The following NFKBID variants were observed in gnomAD, a reference collection of about 807,000 sequenced individuals.
The protein encoded by NFKBID is NF-kappa-B inhibitor delta.
A neutral mutation model predicts 53.4 loss-of-function variants in NFKBID; 26 were observed. That is an observed-to-expected ratio of 0.49 (90% CI 0.36 to 0.68). The LOEUF (loss-of-function observed/expected upper bound fraction) is 0.68. Ranked by LOEUF, NFKBID falls within the 30% of genes least tolerant of loss-of-function variation. NFKBID has a pLI of 0.00. For missense variants in NFKBID, 493 were observed against 614.1 expected (o/e 0.80, Z 2.08); for synonymous variants, 262 against 259.8 (o/e 1.01, Z -0.08).
At chr19:35,898,393 G>T in intron 3 of NFKBID, 79 bp downstream of exon 3, 1 of 862,510 alleles carries the variant, frequency 1.2e-6, no homozygotes, top group Non-Finnish European at 1.8e-6. Flanking sequence ...ACTCCCAGGT[G>T]TCCCAAAGTT....
intron 9 of NFKBID, 67 bp downstream of exon 9, chr19:35,895,913 C>G (rs572469100): frequency 6.7e-7 from 1 of 1,495,736 alleles, no homozygotes; most frequent in East Asian, 2.3e-5. Flanking sequence ...GCCTGGAGCT[C>G]CCGGACATCC....
At chr19:35,892,904 G>A (rs879331792) in intron 9 of NFKBID, among the ~76,000 whole-genome samples, 2 of 152,282 alleles carry the variant, frequency 1.3e-5, no homozygotes, top group Admixed American at 6.5e-5. Context: ...AGCAGCTCAC[G>A]CCTGTAATCC....
intron 1 of NFKBID, among the ~76,000 whole-genome samples, chr19:35,900,043 A>C (rs1599630419): frequency 5.2e-5 from 4 of 76,330 alleles, no homozygotes; most frequent in Admixed American, 2.1e-4. Flanking sequence ...ACCCTTCCCC[A>C]CCGAGACCCA....
chr19:35,892,286 G>A (rs933607726), intron 9 of NFKBID, among the ~76,000 whole-genome samples: 7 of 151,934 alleles, frequency 4.6e-5, no homozygotes, highest in African/African-American at 1.7e-4. Flanking sequence ...TCCTGAGCTC[G>A]AGCAGTCCGC....
At chr19:35,893,717 G>A (rs1974939098) in intron 9 of NFKBID, among the ~76,000 whole-genome samples, 2 of 152,096 alleles carry the variant, frequency 1.3e-5, no homozygotes, top group South Asian at 2.1e-4. Flanking sequence ...CTACTCAGGA[G>A]GCTGAGGCAG....
chr19:35,888,467 T>C (rs1016279909), exon 12 of NFKBID: 3 of 913,990 alleles, frequency 3.3e-6, no homozygotes, highest in Non-Finnish European at 5.3e-6. Context: ...ATATTCCACA[T>C]ACATTATCAT....
At chr19:35,888,375 G>C (rs1974529136) in exon 12 of NFKBID, 5 of 583,280 alleles carry the variant, frequency 8.6e-6, no homozygotes, top group Non-Finnish European at 1.2e-5. Flanking sequence ...TAGAAGAGGG[G>C]TATCACAGCA....
chr19:35,897,499 C>T (rs1599622218), intron 4 of NFKBID, 152 bp downstream of exon 4: 1 of 672,386 alleles, frequency 1.5e-6, no homozygotes, highest in East Asian at 2.5e-5. Flanking sequence ...CTGCCTCAGC[C>T]TCCCAAAGTG....
chr19:35,889,638 T>G (rs1775873346), intron 11 of NFKBID, among the ~76,000 whole-genome samples: 1 of 151,910 alleles, frequency 6.6e-6, no homozygotes, highest in African/African-American at 2.4e-5. Flanking sequence ...CAAGCAAGAT[T>G]CAGGGTTGGA....
chr19:35,890,106 C>T, intron 10 of NFKBID, 52 bp from the exon 11 acceptor site: 1 of 1,517,656 alleles, frequency 6.6e-7, no homozygotes, highest in Non-Finnish European at 8.9e-7. Flanking sequence ...CTGGCCCAGG[C>T]CTCTAAACTG....
chr19:35,893,249 G>A (rs1259881981), intron 9 of NFKBID, among the ~76,000 whole-genome samples: 1 of 152,146 alleles, frequency 6.6e-6, no homozygotes, highest in Non-Finnish European at 1.5e-5. Flanking sequence ...CCAAAATTCT[G>A]AGTGAAGAAA....
At chr19:35,890,298 C>G (rs897493567) in intron 10 of NFKBID, 76 bp downstream of exon 10, 17 of 1,068,670 alleles carry the variant, frequency 1.6e-5, no homozygotes, top group African/African-American at 1.6e-4. Flanking sequence ...CGTCCACAGC[C>G]CCCAGGACCC....
intron 9 of NFKBID, among the ~76,000 whole-genome samples, chr19:35,892,601 G>A (rs1974853746): frequency 6.6e-6 from 1 of 151,378 alleles, no homozygotes; most frequent in Admixed American, 6.6e-5. Context: ...TGATTTCTGA[G>A]TTCTCCCAGA....
chr19:35,891,697 T>C (rs952807277), intron 9 of NFKBID, among the ~76,000 whole-genome samples: 5 of 151,964 alleles, frequency 3.3e-5, no homozygotes, highest in African/African-American at 1.2e-4. Flanking sequence ...GGTGAAACCG[T>C]CTCTACTAAA....
intron 9 of NFKBID, among the ~76,000 whole-genome samples, chr19:35,892,214 G>T (rs1396323919): frequency 6.6e-6 from 1 of 151,160 alleles, no homozygotes; most frequent in Non-Finnish European, 1.5e-5. Flanking sequence ...ATCAAGCCCA[G>T]CTAATTTTTG....
At chr19:35,895,655 T>A (rs1750925974) in intron 9 of NFKBID, among the ~76,000 whole-genome samples, 1 of 144,460 alleles carries the variant, frequency 6.9e-6, no homozygotes, top group South Asian at 2.2e-4. Context: ...TACAAAAAAA[T>A]TAGCCAGGCG....
At chr19:35,900,595 G>C (rs1243531204) in exon 1 of NFKBID, 7 of 1,230,686 alleles carry the variant, frequency 5.7e-6, no homozygotes, top group Non-Finnish European at 7.1e-6. Flanking sequence ...GCACCGCCCA[G>C]TCCTGGGCAG....
At chr19:35,892,069 G>A (rs1974806088) in intron 9 of NFKBID, among the ~76,000 whole-genome samples, 1 of 151,724 alleles carries the variant, frequency 6.6e-6, no homozygotes, top group African/African-American at 2.4e-5. Flanking sequence ...TTGTTGTTGA[G>A]AGACAGGGTC....
chr19:35,898,246 G>T (rs1162761654), intron 3 of NFKBID, among the ~76,000 whole-genome samples: 1 of 152,124 alleles, frequency 6.6e-6, no homozygotes, highest in Non-Finnish European at 1.5e-5. Context: ...TACTTGGGAG[G>T]CTGAGGCGGG....
Sources: allele counts gnomAD v4.1 joint callset (sites outside exome capture counted in the v4.1 genomes callset), GRCh38; gene constraint gnomAD v4.1.1; transcripts MANE v1.5; gene names NCBI Gene and HGNC (gene_info 2026-07-23, HGNC 2026-07-21).